Variants in SEMA6A observed in about 807,000 individuals in gnomAD.
The protein encoded by SEMA6A is semaphorin-6A.
In SEMA6A, 25 loss-of-function variants were observed where a neutral mutation model predicts 96.8. The observed-to-expected ratio is 0.26, with a 90% CI of 0.19 to 0.36. SEMA6A has a LOEUF of 0.36. Ranked by LOEUF, SEMA6A falls within the 10% of genes least tolerant of loss-of-function variation. The probability of loss-of-function intolerance (pLI) is 1.00; values close to 1 mark genes in which losing one functional copy is unlikely to be tolerated. For missense variants in SEMA6A, 1,363 were observed against 1,323.1 expected (o/e 1.03, Z -0.47); for synonymous variants, 612 against 518.0 (o/e 1.18, Z -2.46).
At chr5:116,513,722 C>T (rs748798214) in intron 1 of SEMA6A, among the ~76,000 whole-genome samples, 11 of 151,806 alleles carry the variant, frequency 7.2e-5, no homozygotes, top group East Asian at 1.9e-4. Flanking sequence ...GTCATCCCAT[C>T]GCCCAAGTAT....
intron 1 of SEMA6A, among the ~76,000 whole-genome samples, chr5:116,571,408 G>A (rs375632748): frequency 2.0e-5 from 3 of 152,174 alleles, no homozygotes; most frequent in Non-Finnish European, 4.4e-5. Context: ...TATGGGGAAG[G>A]TTGTCACCCA....
intron 10 of SEMA6A, among the ~76,000 whole-genome samples, chr5:116,483,174 A>G (rs1756875158): frequency 6.6e-6 from 1 of 152,236 alleles, no homozygotes; most frequent in African/African-American, 2.4e-5. Flanking sequence ...CTTTGCAAAT[A>G]AAGTACTTTA....
At position 116,477,872 on chromosome 5, in the gene SEMA6A, G is replaced by C. The variant is rs775178981; in HGVS notation, c.1623C>G (p.Ala541=). ...PYCGWIKEGG[A]CSHLSPNSRL... ...TGCTGTTGGGTGATAAATGGCTGCA[G>C]GCACCACCTTCCTTTATCCATCCAC... Residue 541 remains alanine, a synonymous_variant, in exon 15 of 19, where the codon GCC becomes GCG. Coordinates refer to ENST00000343348, the MANE Select transcript of SEMA6A (RefSeq NM_020796.5). 2.2e-5 allele frequency: 35 copies of C among 1,613,822 alleles called. No homozygotes were observed. The Admixed American group carries it at 5.7e-4, about 26-fold the overall frequency.
chr5:116,458,512 A>G (rs1755159141), intron 18 of SEMA6A, among the ~76,000 whole-genome samples: 1 of 152,170 alleles, frequency 6.6e-6, no homozygotes, highest in Non-Finnish European at 1.5e-5. Flanking sequence ...TAGAAGGTGA[A>G]TTGATTTTTT....
intron 1 of SEMA6A, among the ~76,000 whole-genome samples, chr5:116,564,720 G>C (rs1054715319): frequency 6.6e-6 from 1 of 151,588 alleles, no homozygotes; most frequent in African/African-American, 2.4e-5. Flanking sequence ...AAAAAAAATA[G>C]CAAAATATTG....
Position 116,446,959 on chromosome 5 carries a change from T to G in SEMA6A, c.2747A>C (p.Tyr916Ser). 2 of 1,613,918 alleles carry G rather than the reference T, an allele frequency of 1.2e-6. No homozygotes were observed. Among genetic ancestry groups the G allele is most frequent in the Non-Finnish European group, 1.7e-6 (2 of 1,179,864 alleles). The change falls in exon 19 of 19, where the codon TAT becomes TCT. Residue 916 changes from tyrosine to serine, a missense_variant. Tyr to Ser is a moderately radical substitution (Grantham distance 144). Coordinates refer to ENST00000343348, the MANE Select transcript of SEMA6A (RefSeq NM_020796.5). The stretch of plus-strand genomic sequence containing the variant: ...CGAGTTCGTGGGGTAGCTCCTCTTA[T>G]AGTCAACCCCGTAGGAAGAGGAGTG... ...MHHSSSYGVD[Y>S]KRSYPTNSLT...
At chr5:116,521,993 C>T (rs1758972312) in intron 1 of SEMA6A, among the ~76,000 whole-genome samples, 1 of 152,118 alleles carries the variant, frequency 6.6e-6, no homozygotes, top group African/African-American at 2.4e-5. Context: ...ATCCAAATAG[C>T]TTTGGGTATT....
chr5:116,540,575 C>G (rs1231289671), intron 1 of SEMA6A, among the ~76,000 whole-genome samples: 1 of 152,190 alleles, frequency 6.6e-6, no homozygotes, highest in Non-Finnish European at 1.5e-5. Flanking sequence ...ACTTTCATCT[C>G]TACTAGAAAC....
chr5:116,570,347 G>C (rs959432820), intron 1 of SEMA6A, among the ~76,000 whole-genome samples: 1 of 152,094 alleles, frequency 6.6e-6, no homozygotes, highest in Non-Finnish European at 1.5e-5. Context: ...AAGAGAGTGG[G>C]GGGGGTTCCT....
chr5:116,476,734 C>T (rs1359754486), intron 15 of SEMA6A, among the ~76,000 whole-genome samples: 1 of 152,214 alleles, frequency 6.6e-6, no homozygotes, highest in Non-Finnish European at 1.5e-5. Context: ...TCATAGCTCC[C>T]CTCACCATGC....
chr5:116,529,928 C>G (rs1321168697), intron 1 of SEMA6A, among the ~76,000 whole-genome samples: 1 of 152,044 alleles, frequency 6.6e-6, no homozygotes, highest in African/African-American at 2.4e-5. Context: ...ATTCATATAC[C>G]AAGCCTCAAT....
intron 1 of SEMA6A, among the ~76,000 whole-genome samples, chr5:116,520,754 G>C (rs988763312): frequency 1.3e-5 from 2 of 152,146 alleles, no homozygotes; most frequent in African/African-American, 2.4e-5. Flanking sequence ...ATATTCTCCA[G>C]GAATTTAGAC....
chr5:116,510,516 C>T (rs918426), intron 1 of SEMA6A, among the ~76,000 whole-genome samples: 59,990 of 151,948 alleles, frequency 0.39, 13,300 homozygotes, highest in African/African-American at 0.6. Context: ...TCCCCTTCTT[C>T]ATATGGGTAA....
chr5:116,566,238 C>G (rs75892925), intron 1 of SEMA6A, among the ~76,000 whole-genome samples: 2,509 of 152,214 alleles, frequency 0.016, 33 homozygotes, highest in Middle Eastern at 0.031. Flanking sequence ...CTAAGAAAGG[C>G]GTAAACAGCA....
intron 1 of SEMA6A, among the ~76,000 whole-genome samples, chr5:116,568,565 A>G: frequency 6.6e-6 from 1 of 152,242 alleles, no homozygotes; most frequent in Non-Finnish European, 1.5e-5. Context: ...AAATGAGGCC[A>G]GGGTCAAAAG....
chr5:116,476,654 C>A (rs1314618396), intron 15 of SEMA6A, among the ~76,000 whole-genome samples: 1 of 152,046 alleles, frequency 6.6e-6, no homozygotes, highest in South Asian at 2.1e-4. Context: ...ATTGACTTAA[C>A]AATAATTTTT....
chr5:116,517,264 A>G (rs6860340), intron 1 of SEMA6A, among the ~76,000 whole-genome samples: 52,595 of 151,490 alleles, frequency 0.35, 10,742 homozygotes, highest in African/African-American at 0.57. Flanking sequence ...TATGTTTCCC[A>G]TGTTACTTTT....
Position 116,446,609 on chromosome 5 carries a change from G to A in SEMA6A, c.*4C>T, listed in dbSNP as rs1754225871. 6.8e-7 allele frequency: 1 copy of A among 1,474,990 alleles called. No individual in the cohort carries two copies. Among genetic ancestry groups the A allele is most frequent in the Non-Finnish European group, 9.0e-7 (1 of 1,110,882 alleles). The allele number at this position is 1,474,990 out of a possible 1,614,324, so 91.4% of individuals were successfully genotyped here. A position where few individuals can be genotyped will look rare whatever the true frequency, so the allele number is the denominator to read the frequency against. The stretch of plus-strand genomic sequence containing the variant: ...GTTCGACACCTGACCCCCTCCCCCT[G>A]GGATTATGTACACGCATCATTGGGC... On this transcript the variant is annotated 3_prime_UTR_variant, in exon 19 of 19. Transcript: ENST00000343348.
chr5:116,564,219 G>A (rs995093913), intron 1 of SEMA6A, among the ~76,000 whole-genome samples: 3 of 152,104 alleles, frequency 2.0e-5, no homozygotes, highest in African/African-American at 4.8e-5. Context: ...AATTTAAAAC[G>A]CTGCCTTGAA....
Sources: allele counts gnomAD v4.1 joint callset (sites outside exome capture counted in the v4.1 genomes callset), GRCh38; gene constraint gnomAD v4.1.1; transcripts MANE v1.5; gene names NCBI Gene and HGNC (gene_info 2026-07-23, HGNC 2026-07-21).